EPN2: variants seen among roughly 807,000 people sequenced by gnomAD.
EPN2 encodes the protein epsin 2, also known as epsin-2.
A neutral mutation model predicts 61.7 loss-of-function variants in EPN2; 34 were observed. The ratio of observed to expected loss-of-function variants is 0.55; its 90% CI spans 0.42 to 0.73. The LOEUF is 0.73. EPN2 is among the 30% of genes least tolerant of loss of function. EPN2 has a pLI of 0.00. For missense variants in EPN2, 714 were observed against 839.2 expected (o/e 0.85, Z 1.84); for synonymous variants, 349 against 353.6 (o/e 0.99, Z 0.15).
chr17:19,263,788 C>T lies in EPN2; in HGVS notation c.-293-18167C>T, dbSNP rs189759099. On this transcript the variant is annotated intron_variant, in intron 1 of 10. Transcript: ENST00000314728. ...AGTCTGCAGTCACTGAGTCACCAGACCTGGCCTTCCTGAGGCCTTGGGCTT... is the reference window on the plus strand; with the variant it reads ...AGTCTGCAGTCACTGAGTCACCAGATCTGGCCTTCCTGAGGCCTTGGGCTT... Among the ~76,000 whole-genome samples the T allele has an allele frequency of 2.3e-4, 35 of 152,336 alleles. No homozygotes were observed. In the East Asian group the frequency reaches 6.2e-3, roughly 27 times the overall value.
intron 4 of EPN2, 104 bp from the exon 5 acceptor site, chr17:19,309,781 G>C: frequency 1.2e-6 from 1 of 815,586 alleles, no homozygotes; most frequent in Middle Eastern, 2.2e-4. Context: ...GCTGGACCTT[G>C]CGGGTTTGAG....
intron 1 of EPN2, among the ~76,000 whole-genome samples, chr17:19,255,936 A>AT (rs1214823426): frequency 6.6e-6 from 1 of 150,862 alleles, no homozygotes; most frequent in Non-Finnish European, 1.5e-5. Flanking sequence ...CCTGTTTTTT[A>AT]TTTTTTATTT....
chr17:19,300,473 A>G (rs1448920943), intron 4 of EPN2, among the ~76,000 whole-genome samples: 1 of 121,246 alleles, frequency 8.2e-6, no homozygotes, highest in African/African-American at 3.3e-5. Context: ...TTGTTGCCCA[A>G]GCTGGAGTGC....
intron 8 of EPN2, 49 bp from the exon 9 acceptor site, chr17:19,329,512 A>C (rs781307010): frequency 8.1e-7 from 1 of 1,231,708 alleles, no homozygotes; most frequent in East Asian, 2.3e-5. Context: ...TGGAGTTGCC[A>C]TGAAGTCCTG....
intron 1 of EPN2, among the ~76,000 whole-genome samples, chr17:19,260,673 C>T (rs1259166989): frequency 6.6e-6 from 1 of 151,146 alleles, no homozygotes; most frequent in African/African-American, 2.4e-5. Context: ...AATACAGTCA[C>T]GTTTCTAAAA....
chr17:19,323,667 A>T (rs1240614935), intron 7 of EPN2, among the ~76,000 whole-genome samples: 6 of 152,238 alleles, frequency 3.9e-5, no homozygotes. Flanking sequence ...CTGCAAGAAA[A>T]ACACAGTCAA....
intron 4 of EPN2, among the ~76,000 whole-genome samples, chr17:19,290,720 A>AAAAAT (rs1555600085): frequency 9.5e-6 from 1 of 105,578 alleles, no homozygotes; most frequent in African/African-American, 3.7e-5. Flanking sequence ...AAAAAAGAAA[A>AAAAAT]AAAAAGAAAA....
chr17:19,303,029 G>C (rs528505548), intron 4 of EPN2, among the ~76,000 whole-genome samples: 19 of 152,370 alleles, frequency 1.2e-4, no homozygotes, highest in East Asian at 3.9e-4. Context: ...TCCACACACA[G>C]AGTGTGCGTT....
At chr17:19,250,678 C>G (rs745588831) in intron 1 of EPN2, among the ~76,000 whole-genome samples, 10 of 152,132 alleles carry the variant, frequency 6.6e-5, no homozygotes, top group Non-Finnish European at 1.3e-4. Flanking sequence ...TGCCAGTTCT[C>G]CACAGACTTC....
chr17:19,287,173 T>C (rs530115049), intron 4 of EPN2, among the ~76,000 whole-genome samples: 1 of 152,162 alleles, frequency 6.6e-6, no homozygotes, highest in South Asian at 2.1e-4. Context: ...CGGCTGTCTT[T>C]GGCCCTGCCT....
chr17:19,332,825 C>G (rs1431434826), intron 10 of EPN2, among the ~76,000 whole-genome samples: 1 of 152,260 alleles, frequency 6.6e-6, no homozygotes, highest in Non-Finnish European at 1.5e-5. Flanking sequence ...CCCCCTTCCT[C>G]ACGGGGTTTC....
chr17:19,335,564 G>T lies in EPN2; in HGVS notation c.*1310G>T. ...CAGTTGTCCCGAGGGCGTGGGGTGG[G>T]GGGTGCTTCTGTGCCCACGGGTCCC... On this transcript the variant is annotated 3_prime_UTR_variant, in exon 11 of 11. Coordinates refer to ENST00000314728, the MANE Select transcript of EPN2 (RefSeq NM_014964.5). The T allele has an allele frequency of 7.5e-7, 1 of 1,339,552 alleles. No individual in the cohort carries two copies. 83.0% of individuals were successfully genotyped at this position (1,339,552 alleles called of 1,614,324 possible).
Position 19,317,781 on chromosome 17 carries a change from C to A in EPN2, c.1147+4502C>A, listed in dbSNP as rs76268802. Among the ~76,000 whole-genome samples, 1,070 of 152,300 alleles carry A rather than the reference C, an allele frequency of 7.0e-3. 11 individuals carry two copies. Among genetic ancestry groups the A allele is most frequent in the African/African-American group, 0.025 (1,035 of 41,570 alleles). ...TGGAGAGGGAGAGCACAGAGAGAAG[C>A]CTTGCAGCGGATCTACTGTCCATTC... On this transcript the variant is annotated intron_variant, in intron 7 of 10. Coordinates refer to ENST00000314728, the MANE Select transcript of EPN2 (RefSeq NM_014964.5).
At chr17:19,243,202 G>A (rs780033539) in intron 1 of EPN2, among the ~76,000 whole-genome samples, 35 of 149,382 alleles carry the variant, frequency 2.3e-4, no homozygotes, top group Non-Finnish European at 4.0e-4. Flanking sequence ...ATTAGGGAGG[G>A]GAGGCCTGAG....
chr17:19,315,855 A>G (rs1183192012), intron 7 of EPN2, among the ~76,000 whole-genome samples: 1 of 152,208 alleles, frequency 6.6e-6, no homozygotes, highest in Admixed American at 6.6e-5. Flanking sequence ...AGCCACCATC[A>G]GATATCTAAT....
intron 7 of EPN2, among the ~76,000 whole-genome samples, chr17:19,326,840 CAAG>C (rs544857839): frequency 3.4e-4 from 52 of 151,960 alleles, no homozygotes; most frequent in Non-Finnish European, 6.8e-4. Context: ...TGGGATGAGT[CAAG>C]AAGAAGGTAA....
intron 7 of EPN2, among the ~76,000 whole-genome samples, chr17:19,323,357 A>G (rs1477888943): frequency 1.3e-5 from 2 of 152,228 alleles, no homozygotes; most frequent in East Asian, 1.9e-4. Flanking sequence ...GAGGACACCT[A>G]ACACATATCT....
At chr17:19,302,320 C>G (rs557212183) in intron 4 of EPN2, among the ~76,000 whole-genome samples, 4 of 152,340 alleles carry the variant, frequency 2.6e-5, no homozygotes, top group African/African-American at 9.6e-5. Context: ...AGAAAACAGG[C>G]ACTGAGAAGG....
At chr17:19,253,702 AG>A in intron 1 of EPN2, among the ~76,000 whole-genome samples, 1 of 152,236 alleles carries the variant, frequency 6.6e-6, no homozygotes, top group South Asian at 2.1e-4. Flanking sequence ...CCTGGCCAAT[AG>A]TTGCCATTTT....
Sources: allele counts gnomAD v4.1 joint callset (sites outside exome capture counted in the v4.1 genomes callset), GRCh38; gene constraint gnomAD v4.1.1; transcripts MANE v1.5; gene names NCBI Gene and HGNC (gene_info 2026-07-23, HGNC 2026-07-21).